Variants in ADGRB3 observed in about 807,000 individuals in gnomAD.
ADGRB3 encodes the protein brain-specific angiogenesis inhibitor 3.
Under a neutral mutation model 193.4 loss-of-function variants are expected in ADGRB3, and 37 were observed. The ratio of observed to expected loss-of-function variants is 0.19; its 90% CI spans 0.15 to 0.25. ADGRB3 has a LOEUF of 0.25. Among genes scored for constraint, ADGRB3 ranks in the 10% least tolerant of loss-of-function variants. The pLI is 1.00. For synonymous variants in ADGRB3, 690 were observed against 644.2 expected (o/e 1.07, Z -1.08); for missense variants, 1,637 against 1,852.9 (o/e 0.88, Z 2.14).
At chr6:68,772,981 T>A (rs1766669357) in intron 3 of ADGRB3, among the ~76,000 whole-genome samples, 1 of 141,572 alleles carries the variant, frequency 7.1e-6, no homozygotes, top group Non-Finnish European at 1.5e-5. Flanking sequence ...ACAGGCATGG[T>A]AGTACACGCC....
intron 17 of ADGRB3, among the ~76,000 whole-genome samples, chr6:69,100,375 G>A (rs1417798107): frequency 6.6e-6 from 1 of 152,014 alleles, no homozygotes; most frequent in Non-Finnish European, 1.5e-5. Flanking sequence ...AAAAACATAT[G>A]TTCCAATCCA....
chr6:69,225,362 T>C (rs2127252529), intron 17 of ADGRB3, among the ~76,000 whole-genome samples: 1 of 152,320 alleles, frequency 6.6e-6, no homozygotes, highest in Middle Eastern at 3.4e-3. Context: ...TTCTCTCCAC[T>C]TATTTTCTGT....
intron 3 of ADGRB3, among the ~76,000 whole-genome samples, chr6:68,778,119 T>G (rs762952049): frequency 1.3e-5 from 2 of 152,120 alleles, no homozygotes. Flanking sequence ...AGATGCTATT[T>G]CATTAGCATC....
chr6:68,868,916 T>TGG (rs1169705703), intron 3 of ADGRB3, among the ~76,000 whole-genome samples: 1 of 147,792 alleles, frequency 6.8e-6, no homozygotes, highest in African/African-American at 2.5e-5. Flanking sequence ...TAATGATGTG[T>TGG]GTGTGTGTGT....
intron 17 of ADGRB3, among the ~76,000 whole-genome samples, chr6:69,121,709 C>T (rs536881352): frequency 5.7e-4 from 85 of 150,210 alleles, no homozygotes; most frequent in African/African-American, 1.6e-3. Context: ...GGGTGGCGGC[C>T]GGGCAGAGGC....
At chr6:68,728,162 GA>G (rs1206494766) in intron 3 of ADGRB3, among the ~76,000 whole-genome samples, 1 of 150,802 alleles carries the variant, frequency 6.6e-6, no homozygotes, top group Non-Finnish European at 1.5e-5. Context: ...TATGTTCTTT[GA>G]AAAAAAATAT....
intron 17 of ADGRB3, among the ~76,000 whole-genome samples, chr6:69,224,529 G>A (rs1765968753): frequency 6.6e-6 from 1 of 151,972 alleles, no homozygotes; most frequent in Non-Finnish European, 1.5e-5. Context: ...AATGTTCGAG[G>A]CATTTTAAAG....
At chr6:68,736,198 T>G (rs551787008) in intron 3 of ADGRB3, among the ~76,000 whole-genome samples, 4 of 151,610 alleles carry the variant, frequency 2.6e-5, no homozygotes, top group African/African-American at 7.3e-5. Flanking sequence ...AAAAAAAAAT[T>G]TATAGAGATA....
At chr6:68,748,940 A>G (rs914889268) in intron 3 of ADGRB3, among the ~76,000 whole-genome samples, 3 of 152,320 alleles carry the variant, frequency 2.0e-5, no homozygotes, top group African/African-American at 7.2e-5. Flanking sequence ...CATGTAAGCC[A>G]CCAAGGCTTA....
chr6:69,043,290 G>GAGAGAGAGAAAGAA (rs1554252049), intron 13 of ADGRB3, among the ~76,000 whole-genome samples: 1 of 88,032 alleles, frequency 1.1e-5, no homozygotes. Context: ...GGAAGAAAGA[G>GAGAGAGAGAAAGAA]AGAAAGAAAG....
intron 3 of ADGRB3, among the ~76,000 whole-genome samples, chr6:68,846,535 G>A (rs539553043): frequency 4.3e-4 from 65 of 152,326 alleles, no homozygotes; most frequent in African/African-American, 1.4e-3. Flanking sequence ...GGTGTCCTGT[G>A]TCCCAGCCTC....
At chr6:68,835,764 G>T (rs557637784) in intron 3 of ADGRB3, among the ~76,000 whole-genome samples, 5 of 151,754 alleles carry the variant, frequency 3.3e-5, no homozygotes, top group East Asian at 3.9e-4. Context: ...TCTTCAACTG[G>T]TTTTTTTCTC....
At position 68,854,753 on chromosome 6, in the gene ADGRB3, C is replaced by T. The variant is rs534249827; in HGVS notation, c.758-75806C>T. Among the ~76,000 whole-genome samples the T allele has an allele frequency of 6.2e-4, 95 of 152,274 alleles. 1 individual carries two copies. Among genetic ancestry groups the T allele is most frequent in the African/African-American group, 2.1e-3 (86 of 41,548 alleles). Reference sequence around the variant, plus strand: ...CTCTAATCATTCTCTGCACCTCTGACTCTAGGGCACAGATTTCTCTCTGTG... The same window carrying T: ...CTCTAATCATTCTCTGCACCTCTGATTCTAGGGCACAGATTTCTCTCTGTG... On this transcript the variant is annotated intron_variant, in intron 3 of 31. Transcript: ENST00000370598.
At chr6:69,109,901 T>G (rs1407407293) in intron 17 of ADGRB3, among the ~76,000 whole-genome samples, 2 of 152,118 alleles carry the variant, frequency 1.3e-5, no homozygotes, top group Non-Finnish European at 2.9e-5. Flanking sequence ...GCCATGATAC[T>G]TCAAAAATGG....
chr6:69,131,544 T>C (rs1464664480), intron 17 of ADGRB3, among the ~76,000 whole-genome samples: 3 of 152,130 alleles, frequency 2.0e-5, no homozygotes, highest in Admixed American at 6.6e-5. Context: ...AAATACTGTA[T>C]ACTAAATACT....
chr6:68,894,763 C>G (rs1453588871), intron 3 of ADGRB3, among the ~76,000 whole-genome samples: 2 of 151,714 alleles, frequency 1.3e-5, no homozygotes, highest in Non-Finnish European at 2.9e-5. Context: ...TGCGGTGAGC[C>G]CAGTAATTTT....
At chr6:68,705,062 T>C (rs1430394673) in intron 3 of ADGRB3, among the ~76,000 whole-genome samples, 1 of 152,222 alleles carries the variant, frequency 6.6e-6, no homozygotes, top group East Asian at 1.9e-4. Flanking sequence ...TCACAGATTT[T>C]TGTTTTTCTA....
chr6:68,846,807 TCA>T (rs200719164), intron 3 of ADGRB3, among the ~76,000 whole-genome samples: 1,756 of 152,298 alleles, frequency 0.012, 66 homozygotes, highest in East Asian at 0.079. Flanking sequence ...GTCAGAGCCC[TCA>T]CACAGAGTCC....
At chr6:69,326,514 G>A (rs546389145) in intron 21 of ADGRB3, among the ~76,000 whole-genome samples, 12 of 151,998 alleles carry the variant, frequency 7.9e-5, no homozygotes, top group South Asian at 2.1e-4. Flanking sequence ...GACAGTCTCC[G>A]TATTTACAGC....
Sources: gnomAD v4.1 joint callset for allele counts (sites outside exome capture counted in the v4.1 genomes callset) on GRCh38, gnomAD v4.1.1 for gene constraint, MANE v1.5 for transcripts, NCBI Gene and HGNC (gene_info 2026-07-23, HGNC 2026-07-21) for gene names.